SPATS2: variants seen among roughly 807,000 people sequenced by gnomAD.
SPATS2 encodes spermatogenesis-associated serine-rich protein 2.
Under a neutral mutation model 63.7 loss-of-function variants are expected in SPATS2, and 38 were observed. The ratio of observed to expected loss-of-function variants is 0.60; its 90% CI spans 0.46 to 0.78. The LOEUF is 0.78. Among genes scored for constraint, SPATS2 ranks in the 30% least tolerant of loss-of-function variants. SPATS2 has a pLI of 0.00. For missense variants in SPATS2, 588 were observed against 666.2 expected, an observed-to-expected ratio of 0.88 and a Z score of 1.29; for synonymous variants, 207 against 232.9, an observed-to-expected ratio of 0.89 and a Z score of 1.01.
chr12:49,489,634 C>T (rs748051226), intron 5 of SPATS2, 61 bp downstream of exon 5: 7 of 1,414,536 alleles, frequency 4.9e-6, no homozygotes, highest in Non-Finnish European at 6.8e-6. Context: ...TTGCTTCAGA[C>T]TTTTATAACA....
Position 49,408,102 on chromosome 12 carries a change from G to T in SPATS2, c.-244+36812G>T, listed in dbSNP as rs545201453. 2.6e-4 allele frequency among the ~76,000 whole-genome samples: 39 copies of T among 152,288 alleles called. No homozygotes were observed. In the South Asian group the frequency reaches 7.9e-3, roughly 31 times the overall value. ...ATATCTAAAAAGTTATTAGTTATTA[G>T]ACTTTAAAATCAAGGATAATTTGGG... On this transcript the variant is annotated intron_variant, in intron 2 of 13. Coordinates refer to ENST00000552918, the MANE Select transcript of SPATS2 (RefSeq NM_023071.4).
chr12:49,400,932 G>A (rs142887244), intron 2 of SPATS2, among the ~76,000 whole-genome samples: 26 of 152,216 alleles, frequency 1.7e-4, no homozygotes, highest in African/African-American at 5.3e-4. Context: ...CTTGAGTGCC[G>A]TGGTGCATAG....
intron 2 of SPATS2, among the ~76,000 whole-genome samples, chr12:49,436,682 C>T (rs1945303091): frequency 7.7e-6 from 1 of 130,604 alleles, no homozygotes; most frequent in Non-Finnish European, 1.6e-5. Flanking sequence ...TAGGGGCGGC[C>T]GGGCAGAGGC....
In SPATS2 at chr12:49,422,714, C is replaced by T. The variant is rs182578340; in HGVS notation, c.-243-38056C>T. 5.3e-5 allele frequency among the ~76,000 whole-genome samples: 8 copies of T among 152,172 alleles called. No individual in the cohort carries two copies. The East Asian group carries it at 1.5e-3, about 29-fold the overall frequency. On this transcript the variant is annotated intron_variant, in intron 2 of 13. Coordinates refer to ENST00000552918, the MANE Select transcript of SPATS2 (RefSeq NM_023071.4). ...TTGAGCTCCGGAGTTCGAGATCAGC[C>T]TGCGCAAGGCAACATTGTGAAACCC...
At chr12:49,405,071 G>A (rs1425047379) in intron 2 of SPATS2, among the ~76,000 whole-genome samples, 2 of 151,618 alleles carry the variant, frequency 1.3e-5, no homozygotes, top group East Asian at 3.9e-4. Context: ...GGCTTGCAAA[G>A]CCTAAAATAT....
rs1943918234 is a variant in SPATS2 at position 49,367,468 on chromosome 12, G to A, written c.-426G>A. On this transcript the variant is annotated 5_prime_UTR_variant, in exon 1 of 14. Coordinates refer to ENST00000552918, the MANE Select transcript of SPATS2 (RefSeq NM_023071.4). ...GCTGGGGGAGGAGCGCGGCGGCGAC[G>A]GCGGCGGTGGCTCTAGAAGGGGAGG... The A allele has an allele frequency of 5.0e-6, 2 of 401,060 alleles. No homozygotes were observed. The highest frequency in any genetic ancestry group is 1.3e-4 in the South Asian group (1 of 7,982). 24.8% of individuals were successfully genotyped at this position (401,060 alleles called of 1,614,324 possible). A position where few individuals can be genotyped will look rare whatever the true frequency, so the allele number is the denominator to read the frequency against.
chr12:49,464,459 A>T (rs1464915663), intron 3 of SPATS2, among the ~76,000 whole-genome samples: 4 of 109,998 alleles, frequency 3.6e-5, no homozygotes, highest in African/African-American at 1.1e-4. Flanking sequence ...GTCTCTGCTT[A>T]AAAAAAAAAA....
intron 2 of SPATS2, among the ~76,000 whole-genome samples, chr12:49,448,140 C>CCTT (rs1555185467): frequency 7.6e-6 from 1 of 132,146 alleles, no homozygotes. Context: ...TATTTTCTTT[C>CCTT]TTTTTTTTTT....
At chr12:49,471,504 A>G (rs537394867) in intron 3 of SPATS2, among the ~76,000 whole-genome samples, 1 of 152,164 alleles carries the variant, frequency 6.6e-6, no homozygotes, top group South Asian at 2.1e-4. Context: ...AATTTTTTAA[A>G]AAATTTTTAT....
At chr12:49,512,009 A>T (rs971841469) in intron 9 of SPATS2, among the ~76,000 whole-genome samples, 4 of 152,202 alleles carry the variant, frequency 2.6e-5, no homozygotes, top group Non-Finnish European at 5.9e-5. Context: ...ATGACATGTC[A>T]CCCCTAAATG....
At chr12:49,458,395 G>C (rs1437236348) in intron 2 of SPATS2, among the ~76,000 whole-genome samples, 1 of 152,026 alleles carries the variant, frequency 6.6e-6, no homozygotes, top group Admixed American at 6.6e-5. Flanking sequence ...TTGAACCCAG[G>C]AGGCAAAGGT....
intron 2 of SPATS2, among the ~76,000 whole-genome samples, chr12:49,441,102 A>T (rs1291964651): frequency 6.6e-6 from 1 of 152,182 alleles, no homozygotes; most frequent in East Asian, 1.9e-4. Flanking sequence ...TGCATTATAG[A>T]TATTAATTTC....
At position 49,500,335 on chromosome 12, in the gene SPATS2, G is replaced by A. The variant is rs144447744; in HGVS notation, c.839+130G>A. The A allele has an allele frequency of 4.1e-4, 437 of 1,068,096 alleles. 1 individual carries two copies. The African/African-American group carries it at 6.3e-3, about 15-fold the overall frequency. The allele number at this position is 1,068,096 out of a possible 1,614,324, so 66.2% of individuals were successfully genotyped here. A position where few individuals can be genotyped will look rare whatever the true frequency, so the allele number is the denominator to read the frequency against. On this transcript the variant is annotated intron_variant, in intron 9 of 13. Coordinates refer to ENST00000552918, the MANE Select transcript of SPATS2 (RefSeq NM_023071.4). ...GTAGGAGAGACTTATAAATCCTATG[G>A]TATATTTAGCTTTCTGCTTTGTTCT...
rs139850396 is a variant in SPATS2, at chr12:49,396,240, CT to C, written c.-244+24954del. Among the ~76,000 whole-genome samples, 342 of 152,270 alleles carry C rather than the reference CT, an allele frequency of 2.2e-3. 1 individual carries two copies. Among genetic ancestry groups the C allele is most frequent in the African/African-American group, 7.7e-3 (322 of 41,558 alleles). On this transcript the variant is annotated intron_variant, in intron 2 of 13. Coordinates refer to ENST00000552918, the MANE Select transcript of SPATS2 (RefSeq NM_023071.4). ...ACCCCTCAAGATCCTGATTTCAGTT[CT>C]TTTGGATAAATATCCAGAAGTGAGA...
intron 2 of SPATS2, among the ~76,000 whole-genome samples, chr12:49,404,302 T>A (rs1358780638): frequency 6.6e-6 from 1 of 151,146 alleles, no homozygotes; most frequent in East Asian, 1.9e-4. Context: ...TTTTTTTTTT[T>A]TAGAGATAAG....
At position 49,526,773 on chromosome 12, in the gene SPATS2, A is replaced by T. The variant is rs1157429060; in HGVS notation, c.*518A>T. The T allele has an allele frequency of 6.5e-6, 1 of 154,088 alleles. No individual in the cohort carries two copies. The highest frequency in any genetic ancestry group is 1.4e-5 in the Non-Finnish European group (1 of 69,396). The allele number at this position is 154,088 out of a possible 1,614,324, so 9.5% of individuals were successfully genotyped here. ...ATTTGAGAACCTGCCTCTATCCCAG[A>T]ATGTGCTGGAGATTTGACACTCAAA... On this transcript the variant is annotated 3_prime_UTR_variant, in exon 14 of 14. Transcript: ENST00000552918.
At chr12:49,389,420 C>A (rs1460511542) in intron 2 of SPATS2, 2 of 609,958 alleles carry the variant, frequency 3.3e-6, no homozygotes, top group South Asian at 2.0e-5. Context: ...GGAGTCTCTT[C>A]CCTTGGGTGC....
intron 2 of SPATS2, among the ~76,000 whole-genome samples, chr12:49,408,905 C>T (rs1413466974): frequency 6.6e-6 from 1 of 152,068 alleles, no homozygotes; most frequent in Non-Finnish European, 1.5e-5. Flanking sequence ...ATGTTATTTT[C>T]TGTAATAATG....
intron 10 of SPATS2, among the ~76,000 whole-genome samples, chr12:49,515,153 A>C (rs1409247951): frequency 6.6e-6 from 1 of 152,212 alleles, no homozygotes; most frequent in Non-Finnish European, 1.5e-5. Flanking sequence ...ACTAAAATAG[A>C]TTCTGGAGGA....
Sources: gnomAD v4.1 joint callset for allele counts (sites outside exome capture counted in the v4.1 genomes callset) on GRCh38, gnomAD v4.1.1 for gene constraint, MANE v1.5 for transcripts, NCBI Gene and HGNC (gene_info 2026-07-23, HGNC 2026-07-21) for gene names.